Variants in RPTOR observed in about 807,000 individuals in gnomAD.
The protein encoded by RPTOR is regulatory-associated protein of mTOR.
Under a neutral mutation model 169.9 loss-of-function variants are expected in RPTOR, and 21 were observed. That is an observed-to-expected ratio of 0.12 (90% confidence interval 0.09 to 0.18). The LOEUF (loss-of-function observed/expected upper bound fraction) is 0.18. Among genes scored for constraint, RPTOR ranks in the 10% least tolerant of loss-of-function variants. The pLI, the probability that RPTOR is intolerant of heterozygous loss-of-function variation, is 1.00. For missense variants in RPTOR, 1,133 were observed against 1,855.9 expected (o/e 0.61, Z 7.16); for synonymous variants, 732 against 753.2 (o/e 0.97, Z 0.46).
intron 4 of RPTOR, among the ~76,000 whole-genome samples, chr17:80,709,366 T>C (rs773165673): frequency 6.6e-6 from 1 of 152,180 alleles, no homozygotes; most frequent in Admixed American, 6.5e-5. Flanking sequence ...GCACAGTGAA[T>C]TTGAATTTGT....
intron 20 of RPTOR, among the ~76,000 whole-genome samples, chr17:80,899,013 G>A (rs2143899900): frequency 6.6e-6 from 1 of 152,170 alleles, no homozygotes; most frequent in East Asian, 1.9e-4. Flanking sequence ...CGAGTCCAGA[G>A]CTTGCACCAT....
intron 31 of RPTOR, 148 bp from the exon 32 acceptor site, chr17:80,962,313 G>T (rs1021066207): frequency 1.8e-5 from 12 of 669,960 alleles, no homozygotes; most frequent in Admixed American, 9.7e-5. Context: ...GCCCTCACTG[G>T]GGACGCTGAG....
chr17:80,673,475 G>A (rs891785268), intron 3 of RPTOR, among the ~76,000 whole-genome samples: 1 of 152,172 alleles, frequency 6.6e-6, no homozygotes, highest in African/African-American at 2.4e-5. Context: ...TTCTGCTCAA[G>A]CTTAGGCTTT....
chr17:80,648,416 C>CGTCTT (rs2065613487), intron 3 of RPTOR, among the ~76,000 whole-genome samples: 2 of 151,948 alleles, frequency 1.3e-5, no homozygotes, highest in Admixed American at 1.3e-4. Flanking sequence ...GGAATCCAGG[C>CGTCTT]ATCTTCTCCT....
In RPTOR at chr17:80,855,591, CAG is replaced by C. The variant is rs774822591; in HGVS notation, c.1398+48_1398+49del. Reference sequence around the variant, plus strand: ...AACCTGGGGGCTGAGGGAGGTGGGACAGAGATTAGGCTCCGTGTTTCAGTCTG... The same window carrying C: ...AACCTGGGGGCTGAGGGAGGTGGGACAGATTAGGCTCCGTGTTTCAGTCTG... On this transcript the variant is annotated intron_variant, in intron 12 of 33. Coordinates refer to ENST00000306801, the MANE Select transcript of RPTOR (RefSeq NM_020761.3). 2.9e-6 allele frequency: 4 copies of C among 1,379,264 alleles called. No homozygotes were observed. In the Admixed American group the frequency reaches 5.0e-5, roughly 17 times the overall value. 85.4% of individuals were successfully genotyped at this position (1,379,264 alleles called of 1,614,324 possible).
At chr17:80,757,763 TTTCTC>T (rs1395957659) in intron 6 of RPTOR, among the ~76,000 whole-genome samples, 2 of 152,124 alleles carry the variant, frequency 1.3e-5, no homozygotes, top group African/African-American at 4.8e-5. Context: ...GGGGCCTCTG[TTTCTC>T]TTCTCTGCAT....
At chr17:80,680,229 C>T (rs888063804) in intron 3 of RPTOR, among the ~76,000 whole-genome samples, 1 of 152,250 alleles carries the variant, frequency 6.6e-6, no homozygotes, top group Non-Finnish European at 1.5e-5. Context: ...ACCTCAGCCC[C>T]ATCTCAAGTC....
At chr17:80,840,418 T>TGGCAGCTCACTCTCACCACAC (rs2067617998) in intron 10 of RPTOR, among the ~76,000 whole-genome samples, 1 of 106,962 alleles carries the variant, frequency 9.3e-6, no homozygotes, top group Non-Finnish European at 1.8e-5. Flanking sequence ...ATTCACCGCA[T>TGGCAGCTCACTCTCACCACAC]GGCAGCTCAC....
rs919133514 is a variant in RPTOR at position 80,631,336 on chromosome 17, AAGTGGGGGTGC to A, written c.265+5556_265+5566del. 1.2e-4 allele frequency among the ~76,000 whole-genome samples: 18 copies of A among 152,114 alleles called. No homozygotes were observed. The South Asian group carries it at 1.5e-3, about 12-fold the overall frequency. ...CTGCCTCCAGCAGATGCTTCTCATG[AAGTGGGGGTGC>A]AGTGGGGGTGCATGCAGGAGAGTGT... On this transcript the variant is annotated intron_variant, in intron 2 of 33. Coordinates refer to ENST00000306801, the MANE Select transcript of RPTOR (RefSeq NM_020761.3).
Position 80,609,978 on chromosome 17 carries a change from C to T in RPTOR, c.163-15713C>T, listed in dbSNP as rs1213805969. Among the ~76,000 whole-genome samples, 2 of 152,136 alleles carry T rather than the reference C, an allele frequency of 1.3e-5. No homozygotes were observed. Among genetic ancestry groups the T allele is most frequent in the Non-Finnish European group, 2.9e-5 (2 of 68,036 alleles). On this transcript the variant is annotated intron_variant, in intron 1 of 33. Transcript: ENST00000306801. The surrounding 1 kb of genome is among the most constrained non-coding windows in gnomAD (Gnocchi z 4.8). The stretch of plus-strand genomic sequence containing the variant: ...CCTGGAACGAGGCCTTCCAGCAAGT[C>T]GGTTCTCACGTCAAGGGCATGTCCT...
At chr17:80,871,999 C>T (rs1468944639) in intron 13 of RPTOR, among the ~76,000 whole-genome samples, 2 of 152,152 alleles carry the variant, frequency 1.3e-5, no homozygotes, top group Non-Finnish European at 1.5e-5. Context: ...AAAAATGTCA[C>T]CTAGCGTTCC....
chr17:80,742,382 C>T (rs1455278625), intron 5 of RPTOR, among the ~76,000 whole-genome samples: 2 of 152,038 alleles, frequency 1.3e-5, no homozygotes, highest in Non-Finnish European at 2.9e-5. Context: ...GCAGCACATG[C>T]ATGCAGAGGC....
In RPTOR at chr17:80,913,946, T is replaced by C. The variant is rs1248971682; in HGVS notation, c.2520+5017T>C. ...GTTCTCATGATCACTGCTTATATTA[T>C]AATTTATGAGAAAACGTGTGAGCAT... On this transcript the variant is annotated intron_variant, in intron 21 of 33. Transcript: ENST00000306801. Among the ~76,000 whole-genome samples, 4 of 152,238 alleles carry C rather than the reference T, an allele frequency of 2.6e-5. No individual in the cohort carries two copies. The East Asian group carries it at 5.8e-4, about 22-fold the overall frequency.
chr17:80,937,228 C>G lies in RPTOR; in HGVS notation c.2920-3268C>G, dbSNP rs539964791. ...GATCTTTTCCCATGGGTGCCTCTCC[C>G]CTTTTGCCTTCACCCAAGTCTTTCT... On this transcript the variant is annotated intron_variant, in intron 24 of 33. Coordinates refer to ENST00000306801, the MANE Select transcript of RPTOR (RefSeq NM_020761.3). Among the ~76,000 whole-genome samples the G allele has an allele frequency of 2.6e-3, 399 of 152,208 alleles. 3 individuals are homozygous for G. Among genetic ancestry groups the G allele is most frequent in the Middle Eastern group, 0.017 (5 of 294 alleles).
chr17:80,911,083 G>A (rs559328982), intron 21 of RPTOR, among the ~76,000 whole-genome samples: 31 of 152,106 alleles, frequency 2.0e-4, no homozygotes, highest in South Asian at 2.1e-4. Flanking sequence ...CGCCTGCCTC[G>A]GCCTCCCAAA....
intron 20 of RPTOR, among the ~76,000 whole-genome samples, chr17:80,900,121 C>T (rs573985889): frequency 7.9e-5 from 12 of 152,172 alleles, no homozygotes; most frequent in African/African-American, 2.2e-4. Flanking sequence ...CCAAGGGGAC[C>T]GGCGTTTACT....
intron 3 of RPTOR, among the ~76,000 whole-genome samples, chr17:80,680,634 AC>A (rs1363489552): frequency 6.6e-6 from 1 of 152,088 alleles, no homozygotes; most frequent in African/African-American, 2.4e-5. Context: ...GTCTCAAAAA[AC>A]AAACAAACAG....
chr17:80,551,786 C>T (rs1332423909), intron 1 of RPTOR, among the ~76,000 whole-genome samples: 2 of 152,130 alleles, frequency 1.3e-5, no homozygotes, highest in Non-Finnish European at 2.9e-5. Flanking sequence ...ACGGTCAGGT[C>T]TTTCCCTTCC....
At chr17:80,770,418 C>T (rs144855578) in intron 6 of RPTOR, among the ~76,000 whole-genome samples, 4 of 152,252 alleles carry the variant, frequency 2.6e-5, no homozygotes, top group South Asian at 4.2e-4. Flanking sequence ...TCAGCAGCAG[C>T]GTGGTCCGGG....
Sources: allele counts gnomAD v4.1 joint callset (sites outside exome capture counted in the v4.1 genomes callset), GRCh38; gene constraint gnomAD v4.1.1; non-coding constraint Gnocchi (gnomAD v3.1); transcripts MANE v1.5; gene names NCBI Gene and HGNC (gene_info 2026-07-23, HGNC 2026-07-21).